The following MEI4 variants were observed in gnomAD, a reference collection of about 807,000 sequenced individuals.
MEI4 encodes the protein meiosis-specific protein MEI4.
In MEI4, 27 loss-of-function variants were observed where a neutral mutation model predicts 31.4. The ratio of observed to expected loss-of-function variants is 0.86; its 90% confidence interval spans 0.63 to 1.19. The LOEUF (loss-of-function observed/expected upper bound fraction) is 1.19, where lower values mean the gene tolerates loss of function less well. Ranked by LOEUF, MEI4 falls within the 50% of genes most tolerant of loss-of-function variation. MEI4 has a pLI of 0.00. For synonymous variants in MEI4, 122 were observed against 145.4 expected, an observed-to-expected ratio of 0.84 and a Z score of 1.16; for missense variants, 329 against 398.9, an observed-to-expected ratio of 0.82 and a Z score of 1.49.
chr6:77,732,238 T>C (rs1767023264), intron 2 of MEI4, among the ~76,000 whole-genome samples: 1 of 151,982 alleles, frequency 6.6e-6, no homozygotes, highest in Non-Finnish European at 1.5e-5. Flanking sequence ...ATTTTCACGA[T>C]ATTGATTCTT....
At chr6:77,712,974 A>T (rs1039324526) in intron 2 of MEI4, among the ~76,000 whole-genome samples, 1 of 151,964 alleles carries the variant, frequency 6.6e-6, no homozygotes, top group African/African-American at 2.4e-5. Context: ...CCATCTCAAA[A>T]AAAAAAAAAA....
intron 4 of MEI4, among the ~76,000 whole-genome samples, chr6:77,869,123 A>G (rs975818947): frequency 2.0e-5 from 3 of 152,150 alleles, no homozygotes; most frequent in Admixed American, 2.0e-4. Context: ...GCAGTAAGCA[A>G]AGCAAAGTGC....
At chr6:77,687,450 C>T (rs1017424282) in intron 1 of MEI4, among the ~76,000 whole-genome samples, 10 of 152,052 alleles carry the variant, frequency 6.6e-5, no homozygotes, top group Non-Finnish European at 1.0e-4. Context: ...TCTCTGGGCA[C>T]GAACTAGATT....
chr6:77,880,380 A>G (rs1208371582), intron 4 of MEI4, among the ~76,000 whole-genome samples: 2 of 151,596 alleles, frequency 1.3e-5, no homozygotes, highest in African/African-American at 2.4e-5. Flanking sequence ...ACAGGCGCCC[A>G]CCACCACGCC....
chr6:77,700,364 G>C (rs1185997395), intron 2 of MEI4, among the ~76,000 whole-genome samples: 1 of 152,184 alleles, frequency 6.6e-6, no homozygotes, highest in African/African-American at 2.4e-5. Context: ...AGCAATCAGG[G>C]AGACTCCGTG....
intron 2 of MEI4, among the ~76,000 whole-genome samples, chr6:77,758,343 T>C (rs1401016516): frequency 6.6e-6 from 1 of 152,180 alleles, no homozygotes; most frequent in Non-Finnish European, 1.5e-5. Context: ...TGTCTGCACA[T>C]TTTTGATGGT....
chr6:77,821,124 T>C (rs1296449016), intron 3 of MEI4, among the ~76,000 whole-genome samples: 1 of 152,146 alleles, frequency 6.6e-6, no homozygotes, highest in Non-Finnish European at 1.5e-5. Flanking sequence ...TAAATTTTAA[T>C]GTTTTTCTTT....
At chr6:77,891,920 G>T (rs1771777046) in intron 4 of MEI4, among the ~76,000 whole-genome samples, 1 of 152,188 alleles carries the variant, frequency 6.6e-6, no homozygotes, top group Non-Finnish European at 1.5e-5. Context: ...TTCCTCATTT[G>T]CTTGGGCTGC....
intron 4 of MEI4, among the ~76,000 whole-genome samples, chr6:77,845,896 TTTC>T (rs1039332018): frequency 8.6e-5 from 13 of 151,786 alleles, no homozygotes; most frequent in Non-Finnish European, 1.3e-4. Flanking sequence ...TTTTTTTTTT[TTTC>T]TTTTAAGCTG....
chr6:77,787,345 C>G (rs1561987855), intron 3 of MEI4, among the ~76,000 whole-genome samples: 4 of 152,156 alleles, frequency 2.6e-5, no homozygotes. Context: ...ATTTCCAGCC[C>G]TAATGACCAA....
intron 2 of MEI4, among the ~76,000 whole-genome samples, chr6:77,726,403 G>T (rs573825906): frequency 6.6e-6 from 1 of 152,154 alleles, no homozygotes; most frequent in Admixed American, 6.5e-5. Flanking sequence ...CCTGAGACTG[G>T]CAGTGAGTGT....
At position 77,881,412 on chromosome 6, in the gene MEI4, T is replaced by C. The variant is rs571073161; in HGVS notation, c.901-41677T>C. 2.3e-4 allele frequency among the ~76,000 whole-genome samples: 35 copies of C among 152,358 alleles called. No homozygotes were observed. In the South Asian group the frequency reaches 6.8e-3, roughly 30 times the overall value. ...TACCATTTTCAAAATTTCATTTTAT[T>C]ATACAGATGTATCGCAAAAGAACAT... is the stretch of plus-strand genomic sequence containing the variant. On this transcript the variant is annotated intron_variant, in intron 4 of 4. Coordinates refer to ENST00000684080, the MANE Select transcript of MEI4 (RefSeq NM_001322247.2).
chr6:77,761,078 TGAA>T, intron 2 of MEI4, 49 bp from the exon 3 acceptor site: 1 of 1,181,076 alleles, frequency 8.5e-7, no homozygotes, highest in Non-Finnish European at 1.1e-6. Flanking sequence ...TAGTTTTACA[TGAA>T]GAAATTTCAG....
At chr6:77,898,655 G>A (rs542945793) in intron 4 of MEI4, among the ~76,000 whole-genome samples, 2 of 151,894 alleles carry the variant, frequency 1.3e-5, no homozygotes. Context: ...GTATGTCCTT[G>A]GCTAGTGCTC....
intron 1 of MEI4, among the ~76,000 whole-genome samples, chr6:77,680,128 A>AAAAAAAAAAAAAAAAAAAAT (rs1247876878): frequency 3.5e-5 from 4 of 115,584 alleles, no homozygotes; most frequent in Non-Finnish European, 5.7e-5. Flanking sequence ...AAAAAAAAAA[A>AAAAAAAAAAAAAAAAAAAAT]ATTAGCTGGG....
chr6:77,767,262 C>T (rs1417899684), intron 3 of MEI4, among the ~76,000 whole-genome samples: 1 of 151,908 alleles, frequency 6.6e-6, no homozygotes, highest in East Asian at 1.9e-4. Context: ...CGCCTGTAGT[C>T]CCAGCTACTT....
chr6:77,740,796 T>A (rs1767380454), intron 2 of MEI4, among the ~76,000 whole-genome samples: 1 of 151,840 alleles, frequency 6.6e-6, no homozygotes, highest in Non-Finnish European at 1.5e-5. Flanking sequence ...ATAAATAATG[T>A]TGAACATATA....
chr6:77,782,616 C>T (rs1009530911), intron 3 of MEI4, among the ~76,000 whole-genome samples: 1 of 152,030 alleles, frequency 6.6e-6, no homozygotes, highest in East Asian at 1.9e-4. Context: ...TCACATGTTA[C>T]TTTTAAGGGG....
At chr6:77,788,841 C>T (rs989011675) in intron 3 of MEI4, among the ~76,000 whole-genome samples, 2 of 152,104 alleles carry the variant, frequency 1.3e-5, no homozygotes, top group African/African-American at 2.4e-5. Context: ...AAGTAATTTA[C>T]AGATTCAATG....
Sources: gnomAD v4.1 joint callset for allele counts (sites outside exome capture counted in the v4.1 genomes callset) on GRCh38, gnomAD v4.1.1 for gene constraint, MANE v1.5 for transcripts, NCBI Gene and HGNC (gene_info 2026-07-23, HGNC 2026-07-21) for gene names.